The following RBBP4 variants were observed in gnomAD, a reference collection of about 807,000 sequenced individuals.
RBBP4 encodes the protein RB binding protein 4, chromatin remodeling factor.
In RBBP4, 3 loss-of-function variants were observed where a neutral mutation model predicts 57.2. That is an observed-to-expected ratio of 0.05 (90% CI 0.02 to 0.14). The LOEUF is 0.14. RBBP4 is among the 10% of genes least tolerant of loss of function. The pLI, the probability that RBBP4 is intolerant of heterozygous loss-of-function variation, is 1.00. For synonymous variants in RBBP4, 151 were observed against 171.5 expected (o/e 0.88, Z 0.93); for missense variants, 107 against 520.6 (o/e 0.21, Z 7.73).
intron 11 of RBBP4, among the ~76,000 whole-genome samples, chr1:32,674,722 T>G (rs992650249): frequency 5.3e-5 from 8 of 151,486 alleles, no homozygotes; most frequent in African/African-American, 1.9e-4. Flanking sequence ...TTTCTTTATT[T>G]TTTTTTTAAT....
intron 3 of RBBP4, among the ~76,000 whole-genome samples, chr1:32,661,338 T>C (rs1557853886): frequency 6.7e-6 from 1 of 150,108 alleles, no homozygotes; most frequent in Non-Finnish European, 1.5e-5. Flanking sequence ...GTCACTGTTG[T>C]TGCTGGAGTA....
At position 32,657,595 on chromosome 1, in the gene RBBP4, A is replaced by G. The variant is rs114521523; in HGVS notation, c.310+23A>G. The G allele has an allele frequency of 1.4e-4, 225 of 1,611,134 alleles. No individual in the cohort carries two copies. The African/African-American group carries it at 2.7e-3, about 19-fold the overall frequency. ...GAGGTAGGAATCTTAAAGGTGAAAGAAGTAAAGATGTGTGGGTCATATCTG... is the reference window on the plus strand; with the variant it reads ...GAGGTAGGAATCTTAAAGGTGAAAGGAGTAAAGATGTGTGGGTCATATCTG... On this transcript the variant is annotated intron_variant, in intron 3 of 11. Transcript: ENST00000373493.
At chr1:32,667,834 A>T (rs548563128) in intron 3 of RBBP4, among the ~76,000 whole-genome samples, 16 of 152,324 alleles carry the variant, frequency 1.1e-4, no homozygotes, top group Admixed American at 1.0e-3. Context: ...CATATACTTT[A>T]AAATGTCTCT....
intron 8 of RBBP4, among the ~76,000 whole-genome samples, chr1:32,670,722 G>GC (rs1264722994): frequency 1.3e-5 from 2 of 152,208 alleles, no homozygotes; most frequent in Non-Finnish European, 2.9e-5. Context: ...ACAGGCGTAA[G>GC]CCACCACGCC....
rs146660646 is a variant in RBBP4 at position 32,667,003 on chromosome 1, C to T, written c.311-1222C>T. Among the ~76,000 whole-genome samples, 12 of 152,302 alleles carry T rather than the reference C, an allele frequency of 7.9e-5. No individual in the cohort carries two copies. In the East Asian group the frequency reaches 2.1e-3, roughly 27 times the overall value. On this transcript the variant is annotated intron_variant, in intron 3 of 11. Transcript: ENST00000373493. ...CCGCATAAGGGCCACTTGAGGGCTCCTTGGCAAGCGGTAACACCATTGCCT... is the reference window on the plus strand; with the variant it reads ...CCGCATAAGGGCCACTTGAGGGCTCTTTGGCAAGCGGTAACACCATTGCCT...
chr1:32,679,883 T>C lies in RBBP4; in HGVS notation c.*178T>C. On this transcript the variant is annotated 3_prime_UTR_variant, in exon 12 of 12. Coordinates refer to ENST00000373493, the MANE Select transcript of RBBP4 (RefSeq NM_005610.3). ...TCTAAATATTAATAGGGGGGCTTGA[T>C]TCAACAAAGCCACAGACTTAACGTT... 1.5e-6 allele frequency: 2 copies of C among 1,299,626 alleles called. No individual in the cohort carries two copies. The highest frequency in any genetic ancestry group is 1.9e-6 in the Non-Finnish European group (2 of 1,028,778). 80.5% of individuals were successfully genotyped at this position (1,299,626 alleles called of 1,614,324 possible).
At position 32,682,811 on chromosome 1, in the gene RBBP4, T is replaced by C. The variant is rs1009708788; in HGVS notation, c.*3106T>C. 2.0e-5 allele frequency: 3 copies of C among 151,904 alleles called. No homozygotes were observed. Among genetic ancestry groups the C allele is most frequent in the Non-Finnish European group, 4.4e-5 (3 of 67,978 alleles). The allele number at this position is 151,904 out of a possible 1,614,324, so 9.4% of individuals were successfully genotyped here. On this transcript the variant is annotated 3_prime_UTR_variant, in exon 12 of 12. Transcript: ENST00000373493. ...GTGAATTTGATGTAAGCTTAGGAAATGAATAAAATTTATAGGCATCTGTAT... is the reference window on the plus strand; with the variant it reads ...GTGAATTTGATGTAAGCTTAGGAAACGAATAAAATTTATAGGCATCTGTAT...
chr1:32,668,553 AAAT>A (rs1265648809), intron 4 of RBBP4, 155 bp downstream of exon 4: 8 of 964,298 alleles, frequency 8.3e-6, no homozygotes, highest in African/African-American at 8.3e-5. Flanking sequence ...CTCCATGAAA[AAAT>A]AATGCTTTTT....
chr1:32,664,181 A>AGG (rs1433283049), intron 3 of RBBP4, among the ~76,000 whole-genome samples: 1 of 152,136 alleles, frequency 6.6e-6, no homozygotes, highest in Non-Finnish European at 1.5e-5. Context: ...TTTAACAGTG[A>AGG]GGGATGTGTG....
rs915764036 is a variant in RBBP4, at chr1:32,668,873, T to A, written c.600+19T>A. ...TGACCATGTGTGTATCCTTCCCATT[T>A]TGAAGCAAATCTGGGCTAGTTACCA... On this transcript the variant is annotated intron_variant, in intron 5 of 11. Coordinates refer to ENST00000373493, the MANE Select transcript of RBBP4 (RefSeq NM_005610.3). 5 of 1,613,286 alleles carry A rather than the reference T, an allele frequency of 3.1e-6. No individual in the cohort carries two copies. In the African/African-American group the frequency reaches 6.7e-5, roughly 22 times the overall value.
At chr1:32,665,523 C>G (rs1557856129) in intron 3 of RBBP4, among the ~76,000 whole-genome samples, 1 of 151,834 alleles carries the variant, frequency 6.6e-6, no homozygotes, top group Non-Finnish European at 1.5e-5. Context: ...ACTAAAAATG[C>G]AAAAATTAGC....
chr1:32,668,995 T>C lies in RBBP4; in HGVS notation c.624T>C (p.Ser208=), dbSNP rs1300321257. 1 of 1,614,108 alleles carries C rather than the reference T, an allele frequency of 6.2e-7. No homozygotes were observed. Among genetic ancestry groups the C allele is most frequent in the Admixed American group, 1.7e-5 (1 of 60,016 alleles). The change falls in exon 6 of 12, where the codon AGT becomes AGC. Residue 208 remains serine (S), a synonymous_variant. Transcript: ENST00000373493. ...DDHTICLWDI[S]AVPKEGKVVD... is the part of the protein sequence containing the mutation. ...AGACCATCTGCCTGTGGGACATCAG[T>C]GCCGTTCCAAAGGAGGGAAAAGTGG...
At position 32,680,446 on chromosome 1, in the gene RBBP4, G is replaced by T; in HGVS notation, c.*741G>T. The T allele has an allele frequency of 6.9e-7, 1 of 1,442,246 alleles. No individual in the cohort carries two copies. Among genetic ancestry groups the T allele is most frequent in the Non-Finnish European group, 9.2e-7 (1 of 1,085,136 alleles). 89.3% of individuals were successfully genotyped at this position (1,442,246 alleles called of 1,614,324 possible). The stretch of plus-strand genomic sequence containing the variant: ...AGTTATACCACAGGTAGACTGTCAA[G>T]TTGAGAAGAGTGAATCAATAACTTG... On this transcript the variant is annotated 3_prime_UTR_variant, in exon 12 of 12. Coordinates refer to ENST00000373493, the MANE Select transcript of RBBP4 (RefSeq NM_005610.3).
chr1:32,653,643 T>TTG (rs1647997598), intron 2 of RBBP4, among the ~76,000 whole-genome samples: 3 of 22,528 alleles, frequency 1.3e-4, no homozygotes, highest in African/African-American at 3.1e-4. Context: ...TCTGGTTTTT[T>TTG]TTTTTTTTTT....
At chr1:32,675,461 T>A (rs1649058729) in intron 11 of RBBP4, among the ~76,000 whole-genome samples, 1 of 151,824 alleles carries the variant, frequency 6.6e-6, no homozygotes, top group Non-Finnish European at 1.5e-5. Flanking sequence ...TCATACTTTG[T>A]AACATTACTT....
At chr1:32,654,692 T>TG (rs1398722321) in intron 2 of RBBP4, among the ~76,000 whole-genome samples, 2 of 152,184 alleles carry the variant, frequency 1.3e-5, no homozygotes, top group Admixed American at 6.5e-5. Context: ...TTTTTGTTGT[T>TG]GTTGTTGTTT....
rs68153136 is a variant in RBBP4 at position 32,669,890 on chromosome 1, CA to C, written c.966+336del. On this transcript the variant is annotated intron_variant, in intron 8 of 11. Transcript: ENST00000373493. The surrounding 1 kb of genome is among the most constrained non-coding windows in gnomAD (Gnocchi z 4.9). ...TGGGCGACAGAACGAGAGTCCGTCT[CA>C]AAAAAAAAGAAAAAAGAAAAACCTG... Among the ~76,000 whole-genome samples, 125,723 of 148,956 alleles carry C rather than the reference CA, an allele frequency of 0.84. 54,556 individuals are homozygous for C. Among genetic ancestry groups the C allele is most frequent in the Non-Finnish European group, 0.96 (65,255 of 67,936 alleles).
At chr1:32,658,546 T>G (rs544875018) in intron 3 of RBBP4, among the ~76,000 whole-genome samples, 1,093 of 55,140 alleles carry the variant, frequency 0.02, 17 homozygotes, top group African/African-American at 0.066. Flanking sequence ...GCTTAAACGC[T>G]TTCCTTTTTT....
intron 3 of RBBP4, among the ~76,000 whole-genome samples, chr1:32,661,259 G>T (rs1049486863): frequency 2.0e-5 from 3 of 149,942 alleles, no homozygotes; most frequent in African/African-American, 7.3e-5. Flanking sequence ...TATATTCCCG[G>T]TAATGGGATT....
Sources: gnomAD v4.1 joint callset for allele counts (sites outside exome capture counted in the v4.1 genomes callset) on GRCh38, gnomAD v4.1.1 for gene constraint, Gnocchi (gnomAD v3.1) non-coding constraint, MANE v1.5 for transcripts, NCBI Gene and HGNC (gene_info 2026-07-23, HGNC 2026-07-21) for gene names.